Variants in SLC15A3 observed in about 807,000 individuals in gnomAD.
The protein encoded by SLC15A3 is solute carrier family 15 member 3, also known as osteoclast transporter.
Under a neutral mutation model 49.2 loss-of-function variants are expected in SLC15A3, and 39 were observed. The observed-to-expected ratio is 0.79, with a 90% CI of 0.61 to 1.04. The LOEUF (loss-of-function observed/expected upper bound fraction) is 1.04. Among genes scored for constraint, SLC15A3 ranks in the 50% least tolerant of loss-of-function variants. The pLI is 0.00. For synonymous variants in SLC15A3, 339 were observed against 367.0 expected (o/e 0.92, Z 0.87); for missense variants, 758 against 794.8 (o/e 0.95, Z 0.56).
At chr11:60,941,731 A>G in intron 4 of SLC15A3, 1 of 372,454 alleles carries the variant, frequency 2.7e-6, no homozygotes, top group East Asian at 5.6e-5. Flanking sequence ...AGAGGGGACA[A>G]GGAAGAGTTG....
At chr11:60,949,565 A>AAAGAAAGAG (rs1856877454) in intron 1 of SLC15A3, among the ~76,000 whole-genome samples, 3 of 35,118 alleles carry the variant, frequency 8.5e-5, no homozygotes, top group Admixed American at 5.8e-4. Context: ...AGAAAGAAAG[A>AAAGAAAGAG]AAGAAAAGAG....
At position 60,951,624 on chromosome 11, in the gene SLC15A3, C is replaced by A. The variant is rs1856925811; in HGVS notation, c.-73G>T. On this transcript the variant is annotated 5_prime_UTR_variant, in exon 1 of 8. Transcript: ENST00000227880. Reference sequence around the variant, plus strand: ...CCCGCCTCAGAGCCCTGCACTCCTGCCCCCGGGCCTCGGCCCTCTCCCCCA... The same window carrying A: ...CCCGCCTCAGAGCCCTGCACTCCTGACCCCGGGCCTCGGCCCTCTCCCCCA... The A allele has an allele frequency of 1.9e-6, 2 of 1,044,396 alleles. No individual in the cohort carries two copies. Among genetic ancestry groups the A allele is most frequent in the African/African-American group, 3.4e-5 (2 of 58,398 alleles). The allele number at this position is 1,044,396 out of a possible 1,614,324, so 64.7% of individuals were successfully genotyped here.
chr11:60,949,466 G>A (rs1856859913), intron 1 of SLC15A3, among the ~76,000 whole-genome samples: 1 of 142,872 alleles, frequency 7.0e-6, no homozygotes, highest in African/African-American at 2.8e-5. Flanking sequence ...GAAAGAGAGA[G>A]AGAGAAAGAG....
chr11:60,946,335 CACCACCACT>C (rs138865580), intron 2 of SLC15A3, among the ~76,000 whole-genome samples, 188 bp downstream of exon 2: 34,865 of 151,928 alleles, frequency 0.23, 4,951 homozygotes, highest in East Asian at 0.65. Context: ...CCAATAATAC[CACCACCACT>C]ACCACCACTA....
Position 60,941,271 on chromosome 11 carries a change from A to T in SLC15A3, c.1127T>A (p.Leu376His). Residue 376 changes from leucine (L) to histidine (H), a missense_variant, in exon 5 of 8, where the codon CTC (leucine) becomes CAC (histidine). Leu to His is a moderately conservative substitution (Grantham distance 99). Around this residue, in one of 3 missense-constraint regions of SLC15A3, gnomAD observed 699 missense variants for 706.7 expected, o/e 0.99. Coordinates refer to ENST00000227880, the MANE Select transcript of SLC15A3 (RefSeq NM_016582.3). The part of the protein sequence containing the change: ...SSYTIPEAWL[L>H]LANVVVVLIL... The stretch of plus-strand genomic sequence containing the variant: ...CAGCACCACCACAACATTGGCCAGG[A>T]GGAGCCAGGCTTCCGGGATCTGGGC... The T allele has an allele frequency of 6.2e-7, 1 of 1,613,930 alleles. No homozygotes were observed.
intron 1 of SLC15A3, among the ~76,000 whole-genome samples, chr11:60,949,980 G>C (rs1186705400): frequency 1.3e-5 from 2 of 152,140 alleles, no homozygotes. Flanking sequence ...TATCCCACTG[G>C]GAACAGCTAT....
intron 7 of SLC15A3, 132 bp from the exon 8 acceptor site, chr11:60,937,505 C>T (rs1350991196): frequency 2.6e-6 from 3 of 1,150,236 alleles, no homozygotes; most frequent in African/African-American, 3.0e-5. Flanking sequence ...AGACACTGGA[C>T]AGATACCCAC....
At chr11:60,945,141 T>C (rs1255056682) in intron 2 of SLC15A3, among the ~76,000 whole-genome samples, 1 of 152,226 alleles carries the variant, frequency 6.6e-6, no homozygotes, top group African/African-American at 2.4e-5. Flanking sequence ...CCATAACTTC[T>C]GCTTTCTTCC....
Position 60,946,628 on chromosome 11 carries a change from A to C in SLC15A3, c.752T>G (p.Phe251Cys). ...GCTGCCCATCGGGGGCTTGGTGATG[A>C]AGACGGGGGTGGCAAAGAGGAAGAT... ...FFIFLFATPV[F>C]ITKPPMGSQV... The change falls in exon 2 of 8, where the codon TTC becomes TGC. Residue 251 changes from phenylalanine to cysteine, a missense_variant. Phe to Cys is a radical substitution (Grantham distance 205). Coordinates refer to ENST00000227880, the MANE Select transcript of SLC15A3 (RefSeq NM_016582.3). The C allele has an allele frequency of 1.9e-6, 3 of 1,613,986 alleles. No homozygotes were observed. Among genetic ancestry groups the C allele is most frequent in the Non-Finnish European group, 2.5e-6 (3 of 1,179,898 alleles).
Position 60,939,556 on chromosome 11 carries a change from C to T in SLC15A3, c.1359G>A (p.Ala453=), listed in dbSNP as rs748027701. 8 of 1,614,114 alleles carry T rather than the reference C, an allele frequency of 5.0e-6. No individual in the cohort carries two copies. In the East Asian group the frequency reaches 8.9e-5, roughly 18 times the overall value. ...SQQIGEVLYN[A]APLSIWWQIP... ...TCTGCCACCAGATGGACAGTGGTGC[C>T]GCGTTGTACAGGACCTCCCCAATCT... is the stretch of plus-strand genomic sequence containing the variant. The change falls in exon 6 of 8, where the codon GCG becomes GCA. Residue 453 remains alanine (A), a synonymous_variant. Coordinates refer to ENST00000227880, the MANE Select transcript of SLC15A3 (RefSeq NM_016582.3).
intron 4 of SLC15A3, chr11:60,941,727 G>T: frequency 2.7e-6 from 1 of 368,856 alleles, no homozygotes; most frequent in East Asian, 5.7e-5. Flanking sequence ...AGAAAGAGGG[G>T]ACAAGGAAGA....
At chr11:60,941,758 T>C (rs1856711756) in intron 4 of SLC15A3, 1 of 433,494 alleles carries the variant, frequency 2.3e-6, no homozygotes, top group Non-Finnish European at 4.2e-6. Context: ...GACCTAAGTA[T>C]GCTTGATCTG....
Position 60,946,434 on chromosome 11 carries a change from C to G in SLC15A3, c.848+98G>C, listed in dbSNP as rs796192392. On this transcript the variant is annotated intron_variant, in intron 2 of 7. Coordinates refer to ENST00000227880, the MANE Select transcript of SLC15A3 (RefSeq NM_016582.3). ...TCATCATAAAAAGCTATCACTGTAG[C>G]TGAACCAGAATGTCTGCAACCTGGA... The G allele has an allele frequency of 1.2e-4, 166 of 1,362,460 alleles. No homozygotes were observed. In the South Asian group the frequency reaches 1.7e-3, roughly 14 times the overall value. 84.4% of individuals were successfully genotyped at this position (1,362,460 alleles called of 1,614,324 possible). A position where few individuals can be genotyped will look rare whatever the true frequency, so the allele number is the denominator to read the frequency against.
At position 60,946,764 on chromosome 11, in the gene SLC15A3, T is replaced by G. The variant is rs367882663; in HGVS notation, c.616A>C (p.Ile206Leu). ...RRFFNWFYWS[I>L]NLGAVLSLLV... ...AGCGACAGCACAGCACCCAGGTTGA[T>G]GCTCCAGTAAAACCAGTTGAAGAAG... is the stretch of plus-strand genomic sequence containing the variant. The change falls in exon 2 of 8, where the codon ATC becomes CTC. Residue 206 changes from isoleucine (I) to leucine (L), a missense_variant. Transcript: ENST00000227880. The G allele has an allele frequency of 3.7e-6, 6 of 1,614,034 alleles. No individual in the cohort carries two copies. The highest frequency in any genetic ancestry group is 5.1e-6 in the Non-Finnish European group (6 of 1,180,036).
At position 60,946,653 on chromosome 11, in the gene SLC15A3, T is replaced by C. The variant is rs1856807479; in HGVS notation, c.727A>G (p.Ile243Val). 5 of 1,613,946 alleles carry C rather than the reference T, an allele frequency of 3.1e-6. No individual in the cohort carries two copies. Among genetic ancestry groups the C allele is most frequent in the Non-Finnish European group, 3.4e-6 (4 of 1,179,946 alleles). ...PVGCVGLAFF[I>V]FLFATPVFIT... ...AAGACGGGGGTGGCAAAGAGGAAGA[T>C]GAAAAATGCCAGGCCCACACAGCCC... The change falls in exon 2 of 8, where the codon ATC (isoleucine) becomes GTC (valine). Residue 243 changes from isoleucine to valine, a missense_variant. Physicochemically the swap from Ile to Val is conservative, Grantham distance 29 (BLOSUM62 3). Coordinates refer to ENST00000227880, the MANE Select transcript of SLC15A3 (RefSeq NM_016582.3).
At position 60,941,935 on chromosome 11, in the gene SLC15A3, G is replaced by T. The variant is rs192233508; in HGVS notation, c.1107+100C>A. On this transcript the variant is annotated intron_variant, in intron 4 of 7. Transcript: ENST00000227880. ...CCTGTATCCTGAGGTTGCCTTGCAG[G>T]CAGGAAAGGGGAGTGTGAAGGCAGT... The T allele has an allele frequency of 8.6e-6, 10 of 1,164,964 alleles. No individual in the cohort carries two copies. The Admixed American group carries it at 1.1e-4, about 12-fold the overall frequency. The allele number at this position is 1,164,964 out of a possible 1,614,324, so 72.2% of individuals were successfully genotyped here.
chr11:60,937,990 T>C lies in SLC15A3; in HGVS notation c.1471A>G (p.Met491Val). Residue 491 changes from methionine (M) to valine (V), a missense_variant, in exon 7 of 8, where the codon ATG becomes GTG. Around this residue, in one of 3 missense-constraint regions of SLC15A3, gnomAD observed 699 missense variants for 706.7 expected, o/e 0.99. Coordinates refer to ENST00000227880, the MANE Select transcript of SLC15A3 (RefSeq NM_016582.3). ...AAGATGCCCATGATGGCGCCCTGCA[T>C]GGAGCGCGGGGCCTCTGAGTAGGCA... ...EFAYSEAPRSMQGAIMGIFFC... is the reference protein window; with the variant it reads ...EFAYSEAPRSVQGAIMGIFFC... 1 of 1,614,082 alleles carries C rather than the reference T, an allele frequency of 6.2e-7. No homozygotes were observed. Among genetic ancestry groups the C allele is most frequent in the East Asian group, 2.2e-5 (1 of 44,882 alleles).
chr11:60,944,241 CT>C (rs1323671317), intron 2 of SLC15A3, among the ~76,000 whole-genome samples: 1 of 152,122 alleles, frequency 6.6e-6, no homozygotes, highest in Admixed American at 6.5e-5. Context: ...CCATCACCCC[CT>C]AATTTAATCC....
At chr11:60,937,751 T>C (rs1273402673) in intron 7 of SLC15A3, 119 bp downstream of exon 7, 1 of 1,314,412 alleles carries the variant, frequency 7.6e-7, no homozygotes, top group Non-Finnish European at 1.0e-6. Context: ...AGAACCCCAT[T>C]CTCCCAAGTC....
Sources: allele counts gnomAD v4.1 joint callset (sites outside exome capture counted in the v4.1 genomes callset), GRCh38; gene constraint gnomAD v4.1.1; regional missense constraint gnomAD v4.1.1; transcripts MANE v1.5; gene names NCBI Gene and HGNC (gene_info 2026-07-23, HGNC 2026-07-21).